Variants in ACSM4 observed in about 807,000 individuals in gnomAD.
ACSM4 encodes acyl-coenzyme A synthetase ACSM4, mitochondrial.
ACSM4 carries 66 observed loss-of-function variants against 73.0 expected under a neutral mutation model. The observed-to-expected ratio is 0.90, with a 90% CI of 0.74 to 1.11. ACSM4 has a LOEUF of 1.11. ACSM4 is among the 50% of genes least tolerant of loss of function. The pLI, the probability that ACSM4 is intolerant of heterozygous loss-of-function variation, is 0.00. For missense variants in ACSM4, 645 were observed against 714.4 expected (o/e 0.90, Z 1.11); for synonymous variants, 222 against 254.0 (o/e 0.87, Z 1.20).
At chr12:7,322,811 G>A (rs922580741) in intron 7 of ACSM4, among the ~76,000 whole-genome samples, 6 of 152,192 alleles carry the variant, frequency 3.9e-5, no homozygotes, top group African/African-American at 1.4e-4. Context: ...GAACTGAGCA[G>A]CTCATCTTTC....
Position 7,317,123 on chromosome 12 carries a change from T to C in ACSM4, c.621-14T>C, listed in dbSNP as rs1385891792. 1 of 1,604,378 alleles carries C rather than the reference T, an allele frequency of 6.2e-7. No homozygotes were observed. The highest frequency in any genetic ancestry group is 8.5e-7 in the Non-Finnish European group (1 of 1,175,942). ...GCCATCTTCCACCGCCATCTTGGGG[T>C]CCATATTTTGCAGATTCGCCTCTGA... On this transcript the variant is annotated splice_polypyrimidine_tract_variant and intron_variant, in intron 3 of 12. Coordinates refer to ENST00000399422, the MANE Select transcript of ACSM4 (RefSeq NM_001080454.2).
rs1479462614 is a variant in ACSM4, at chr12:7,310,541, A to G, written c.415A>G (p.Ile139Val). The G allele has an allele frequency of 6.2e-7, 1 of 1,603,408 alleles. No individual in the cohort carries two copies. Among genetic ancestry groups the G allele is most frequent in the Non-Finnish European group, 8.5e-7 (1 of 1,176,316 alleles). ...LVNVACIRTG[I>V]IFMPGTIQLT... ...GCAGGGCCCTCTGTCCTTCCCAGGG[A>G]TCATCTTCATGCCGGGAACAATCCA... Residue 139 changes from isoleucine (I) to valine (V), a missense_variant and splice_region_variant, in exon 3 of 13, where the codon ATC becomes GTC. Physicochemically the swap from Ile to Val is conservative, Grantham distance 29. Coordinates refer to ENST00000399422, the MANE Select transcript of ACSM4 (RefSeq NM_001080454.2).
At position 7,304,358 on chromosome 12, in the gene ACSM4, A is replaced by G. The variant is rs1946349259; in HGVS notation, c.27A>G (p.Thr9=). The G allele has an allele frequency of 1.2e-6, 2 of 1,613,962 alleles. No homozygotes were observed. Among genetic ancestry groups the G allele is most frequent in the Non-Finnish European group, 1.7e-6 (2 of 1,179,856 alleles). The change falls in exon 1 of 13, where the codon ACA becomes ACG. Residue 9 remains threonine (T), a synonymous_variant. Coordinates refer to ENST00000399422, the MANE Select transcript of ACSM4 (RefSeq NM_001080454.2). MKIFFRYQ[T]FRFIWLTKPP... Reference sequence around the variant, plus strand: ...TGAAGATTTTTTTCCGCTACCAGACATTTAGATTCATCTGGCTCACCAAGC... The same window carrying G: ...TGAAGATTTTTTTCCGCTACCAGACGTTTAGATTCATCTGGCTCACCAAGC...
intron 11 of ACSM4, among the ~76,000 whole-genome samples, chr12:7,326,205 T>C (rs1249053339): frequency 6.6e-6 from 1 of 152,094 alleles, no homozygotes; most frequent in Non-Finnish European, 1.5e-5. Flanking sequence ...GGCTTTTGGC[T>C]TTGTTTTGTT....
At chr12:7,311,467 G>C (rs1467021414) in intron 3 of ACSM4, among the ~76,000 whole-genome samples, 1 of 151,976 alleles carries the variant, frequency 6.6e-6, no homozygotes, top group East Asian at 1.9e-4. Context: ...TTTTGACTCA[G>C]TATTTTATCC....
intron 5 of ACSM4, among the ~76,000 whole-genome samples, chr12:7,320,139 G>T (rs1207807501): frequency 6.6e-6 from 1 of 152,148 alleles, no homozygotes; most frequent in Non-Finnish European, 1.5e-5. Flanking sequence ...AGAAGGAGGA[G>T]CTCTAAAACA....
At position 7,318,046 on chromosome 12, in the gene ACSM4, C is replaced by A. The variant is rs745854650; in HGVS notation, c.785C>A (p.Ser262Tyr). ...LCGRYWLDLK[S>Y]SDIIWNMSDT... ...TTTAGGTATTGGCTGGACTTGAAGT[C>A]CTCAGATATCATATGGAATATGTCT... Residue 262 changes from serine (S) to tyrosine (Y), a missense_variant, in exon 5 of 13, where the codon TCC becomes TAC. Coordinates refer to ENST00000399422, the MANE Select transcript of ACSM4 (RefSeq NM_001080454.2). 1 of 1,613,576 alleles carries A rather than the reference C, an allele frequency of 6.2e-7. No individual in the cohort carries two copies. Among genetic ancestry groups the A allele is most frequent in the Non-Finnish European group, 8.5e-7 (1 of 1,179,750 alleles).
rs767078168 is a variant in ACSM4, at chr12:7,320,732, C to A, written c.929C>A (p.Thr310Asn). 6.2e-7 allele frequency: 1 copy of A among 1,613,304 alleles called. No homozygotes were observed. The highest frequency in any genetic ancestry group is 1.1e-5 in the South Asian group (1 of 91,052). Residue 310 changes from threonine to asparagine, a missense_variant, in exon 6 of 13, where the codon ACT (threonine) becomes AAT (asparagine). Physicochemically the swap from Thr to Asn is moderately conservative, Grantham distance 65. Coordinates refer to ENST00000399422, the MANE Select transcript of ACSM4 (RefSeq NM_001080454.2). Reference protein sequence around the residue: ...FDTDTFLDTLTTYPITTLCSP... With the variant: ...FDTDTFLDTLNTYPITTLCSP... ...TCTTTCTCCATCATCCAGACACTTA[C>A]TACTTATCCCATCACGACCCTGTGC...
chr12:7,306,696 C>T lies in ACSM4; in HGVS notation c.365C>T (p.Pro122Leu), dbSNP rs755353296. Residue 122 changes from proline (P) to leucine (L), a missense_variant, in exon 2 of 13, where the codon CCC becomes CTC. Transcript: ENST00000399422. ...GGAGACCGTTTGGCCGTGATTCTGC[C>T]CAGAATCCCTGAGTGGTGGCTGGTC... ...QRGDRLAVILPRIPEWWLVNV... is the reference protein window; with the variant it reads ...QRGDRLAVILLRIPEWWLVNV... The T allele has an allele frequency of 2.5e-6, 4 of 1,611,754 alleles. No homozygotes were observed. The South Asian group carries it at 4.4e-5, about 18-fold the overall frequency.
At chr12:7,311,169 A>AAAAT (rs766259426) in intron 3 of ACSM4, among the ~76,000 whole-genome samples, 494 of 152,108 alleles carry the variant, frequency 3.2e-3, no homozygotes, top group African/African-American at 0.011. Context: ...TTGTCTCAAA[A>AAAAT]AAATAAATAA....
At chr12:7,311,680 T>G (rs889796985) in intron 3 of ACSM4, among the ~76,000 whole-genome samples, 2 of 152,080 alleles carry the variant, frequency 1.3e-5, no homozygotes, top group African/African-American at 2.4e-5. Context: ...TGCCACCTTT[T>G]TTGTTGTTGT....
At chr12:7,317,040 C>T (rs1031164488) in intron 3 of ACSM4, 97 bp from the exon 4 acceptor site, 1 of 1,404,990 alleles carries the variant, frequency 7.1e-7, no homozygotes, top group African/African-American at 1.5e-5. Flanking sequence ...TAACTATCTT[C>T]TGGTAGCAAG....
intron 5 of ACSM4, among the ~76,000 whole-genome samples, chr12:7,319,539 G>A (rs755036670): frequency 4.8e-5 from 7 of 146,564 alleles, no homozygotes; most frequent in Non-Finnish European, 1.0e-4. Context: ...GCAGTGAGCC[G>A]AGATCACACT....
intron 12 of ACSM4, among the ~76,000 whole-genome samples, 192 bp from the exon 13 acceptor site, chr12:7,328,095 G>A (rs947529557): frequency 4.6e-5 from 7 of 152,270 alleles, no homozygotes; most frequent in African/African-American, 1.7e-4. Flanking sequence ...CTAAAAACCC[G>A]TAAGATGGAG....
At chr12:7,327,620 C>T (rs1389979852) in intron 12 of ACSM4, among the ~76,000 whole-genome samples, 1 of 152,082 alleles carries the variant, frequency 6.6e-6, no homozygotes, top group African/African-American at 2.4e-5. Context: ...TTCCTTCTAA[C>T]CATGGAACTG....
chr12:7,322,022 A>C (rs1399444455), intron 6 of ACSM4, among the ~76,000 whole-genome samples: 1 of 152,172 alleles, frequency 6.6e-6, no homozygotes, highest in Non-Finnish European at 1.5e-5. Flanking sequence ...CTCATGTGTA[A>C]ATAGGGGTTG....
At position 7,320,805 on chromosome 12, in the gene ACSM4, G is replaced by A. The variant is rs199570397; in HGVS notation, c.1001+1G>A. On this transcript the variant is annotated splice_donor_variant, in intron 6 of 12. Coordinates refer to ENST00000399422, the MANE Select transcript of ACSM4 (RefSeq NM_001080454.2). LOFTEE classifies it high-confidence loss of function. ...TGCTCGTGCAAAAAGACCTTAAGAG[G>A]TACTTGGGCAGAAATCTCCATTTGA... 6.2e-7 allele frequency: 1 copy of A among 1,609,834 alleles called. No individual in the cohort carries two copies. Among genetic ancestry groups the A allele is most frequent in the African/African-American group, 1.3e-5 (1 of 74,798 alleles).
At chr12:7,320,247 C>CA (rs370243542) in intron 5 of ACSM4, among the ~76,000 whole-genome samples, 28 of 151,142 alleles carry the variant, frequency 1.9e-4, no homozygotes, top group Middle Eastern at 3.4e-3. Context: ...AAGAAAAGGC[C>CA]AAAAAAAATG....
Position 7,318,183 on chromosome 12 carries a change from G to C in ACSM4, c.921+1G>C, listed in dbSNP as rs771967608. ...GTTTGACACTGACACCTTCCTAGACGTAAGTCATGTCCTCCAGCTAGATAG... is the reference window on the plus strand; with the variant it reads ...GTTTGACACTGACACCTTCCTAGACCTAAGTCATGTCCTCCAGCTAGATAG... On this transcript the variant is annotated splice_donor_variant, in intron 5 of 12. Coordinates refer to ENST00000399422, the MANE Select transcript of ACSM4 (RefSeq NM_001080454.2). LOFTEE classifies it high-confidence loss of function. The C allele has an allele frequency of 6.2e-7, 1 of 1,612,756 alleles. No homozygotes were observed. Among genetic ancestry groups the C allele is most frequent in the Non-Finnish European group, 8.5e-7 (1 of 1,179,674 alleles).
Sources: gnomAD v4.1 joint callset for allele counts (sites outside exome capture counted in the v4.1 genomes callset) on GRCh38, gnomAD v4.1.1 for gene constraint, MANE v1.5 for transcripts, NCBI Gene and HGNC (gene_info 2026-07-23, HGNC 2026-07-21) for gene names.